The following PTCSC3 variants were observed in gnomAD, a reference collection of about 807,000 sequenced individuals.
PTCSC3 encodes papillary thyroid carcinoma susceptibility candidate 3 (non-protein coding).
chr14:36,138,001 G>A (rs1881328482), intron 3 of PTCSC3, among the ~76,000 whole-genome samples: 2 of 152,128 alleles, frequency 1.3e-5, no homozygotes, highest in African/African-American at 2.4e-5. Context: ...GTAGAGAAGA[G>A]GCTTAAGTGT....
rs1279812033 is a variant in PTCSC3 at position 36,136,756 on chromosome 14, G to A, written n.323-400C>T. Among the ~76,000 whole-genome samples the A allele has an allele frequency of 5.9e-5, 9 of 152,216 alleles. No homozygotes were observed. The South Asian group carries it at 6.2e-4, about 11-fold the overall frequency. ...AAATAAGATATCATCAAATAGTGAA[G>A]AGAGTTCTTCATAGGCTTACAGAAG... On this transcript the variant is annotated intron_variant and non_coding_transcript_variant, in intron 3 of 3. Transcript: ENST00000556013.
chr14:36,175,124 C>T (rs17461837), intron 1 of PTCSC3, among the ~76,000 whole-genome samples: 13,283 of 152,198 alleles, frequency 0.087, 696 homozygotes, highest in Middle Eastern at 0.18. Flanking sequence ...TCCATAGTTT[C>T]TACTTGCTTC....
At chr14:36,174,898 G>A (rs1305613573) in intron 1 of PTCSC3, among the ~76,000 whole-genome samples, 1 of 152,112 alleles carries the variant, frequency 6.6e-6, no homozygotes, top group Non-Finnish European at 1.5e-5. Context: ...CTCTGGCAGG[G>A]CCAGAACTCT....
At chr14:36,135,041 A>G (rs1157678563), downstream of PTCSC3, among the ~76,000 whole-genome samples, 2 of 152,194 alleles carry the variant, frequency 1.3e-5, no homozygotes, top group East Asian at 3.8e-4. Context: ...AGTACAGTCC[A>G]TTTCTCTAAT....
intron 1 of PTCSC3, among the ~76,000 whole-genome samples, chr14:36,168,750 G>T (rs1882141595): frequency 6.6e-6 from 1 of 151,934 alleles, no homozygotes; most frequent in African/African-American, 2.4e-5. Flanking sequence ...CAAATAGCTG[G>T]AACTGCAAGT....
chr14:36,150,861 G>A (rs113081743), intron 3 of PTCSC3, among the ~76,000 whole-genome samples: 2,804 of 151,744 alleles, frequency 0.018, 80 homozygotes, highest in African/African-American at 0.061. Flanking sequence ...CTATTTATTC[G>A]GAAGCTATAT....
intron 3 of PTCSC3, among the ~76,000 whole-genome samples, chr14:36,138,115 T>G (rs1881330921): frequency 6.6e-6 from 1 of 152,038 alleles, no homozygotes; most frequent in Non-Finnish European, 1.5e-5. Context: ...ACCAAGGTAA[T>G]TCAAATGGAG....
intron 3 of PTCSC3, among the ~76,000 whole-genome samples, chr14:36,142,585 A>G (rs34454453): frequency 0.11 from 16,254 of 151,932 alleles, 1,214 homozygotes; most frequent in Non-Finnish European, 0.16. Context: ...GTTTGGTAGA[A>G]TTCACCAGTG....
chr14:36,135,662 T>C (rs755512240), downstream of PTCSC3, among the ~76,000 whole-genome samples: 2 of 152,178 alleles, frequency 1.3e-5, no homozygotes, highest in Non-Finnish European at 2.9e-5. Flanking sequence ...CTTTGGATAA[T>C]GAAGGTGGTG....
Position 36,170,784 on chromosome 14 carries a change from G to A in PTCSC3, n.171+5514C>T, listed in dbSNP as rs554459434. 6.7e-4 allele frequency among the ~76,000 whole-genome samples: 102 copies of A among 152,226 alleles called. 1 individual carries two copies. Among genetic ancestry groups the A allele is most frequent in the African/African-American group, 2.4e-3 (99 of 41,550 alleles). On this transcript the variant is annotated intron_variant and non_coding_transcript_variant, in intron 1 of 3. Transcript: ENST00000556013. ...AAATAAAGGGGCAAGTGACCTATTTGTTGGACTTTTAGACAGTTCCTTCTG... is the reference window on the plus strand; with the variant it reads ...AAATAAAGGGGCAAGTGACCTATTTATTGGACTTTTAGACAGTTCCTTCTG...
intron 1 of PTCSC3, among the ~76,000 whole-genome samples, chr14:36,163,773 C>T (rs1882027333): frequency 6.6e-6 from 1 of 152,144 alleles, no homozygotes; most frequent in Non-Finnish European, 1.5e-5. Flanking sequence ...TTGTCAAGCT[C>T]ATTAACAGAA....
chr14:36,139,790 T>G (rs1881377328), intron 3 of PTCSC3, among the ~76,000 whole-genome samples: 1 of 152,244 alleles, frequency 6.6e-6, no homozygotes, highest in Admixed American at 6.5e-5. Flanking sequence ...CTTGCATTAG[T>G]GTGGTATATT....
At chr14:36,149,766 G>A (rs918116078) in intron 3 of PTCSC3, among the ~76,000 whole-genome samples, 9 of 152,010 alleles carry the variant, frequency 5.9e-5, no homozygotes, top group East Asian at 1.9e-4. Flanking sequence ...TGAAATCAAC[G>A]TAGCTTCTTC....
chr14:36,147,451 G>A (rs573505562), intron 3 of PTCSC3, among the ~76,000 whole-genome samples: 188 of 151,998 alleles, frequency 1.2e-3, no homozygotes, highest in African/African-American at 4.3e-3. Flanking sequence ...CCAGTTGATC[G>A]CATCGGCTCC....
chr14:36,138,777 T>C (rs1394712600), intron 3 of PTCSC3, among the ~76,000 whole-genome samples: 1 of 152,208 alleles, frequency 6.6e-6, no homozygotes, highest in Non-Finnish European at 1.5e-5. Flanking sequence ...AAACATCCCC[T>C]TTCTGTACAG....
chr14:36,135,695 A>G (rs1354889923), downstream of PTCSC3, among the ~76,000 whole-genome samples: 1 of 152,172 alleles, frequency 6.6e-6, no homozygotes, highest in African/African-American at 2.4e-5. Context: ...TTGAAAATGC[A>G]CAAACTTGTT....
At chr14:36,151,355 G>A (rs557660775) in intron 3 of PTCSC3, among the ~76,000 whole-genome samples, 1 of 150,834 alleles carries the variant, frequency 6.6e-6, no homozygotes, top group South Asian at 2.1e-4. Context: ...GATATCATAT[G>A]CCTAAATTTT....
intron 3 of PTCSC3, among the ~76,000 whole-genome samples, chr14:36,139,143 AATG>A (rs1881361910): frequency 7.8e-6 from 1 of 127,968 alleles, no homozygotes; most frequent in African/African-American, 3.1e-5. Context: ...AAAAAAAAGA[AATG>A]CATATATGTC....
chr14:36,141,007 T>G (rs1379042996), intron 3 of PTCSC3, among the ~76,000 whole-genome samples: 1 of 152,202 alleles, frequency 6.6e-6, no homozygotes, highest in African/African-American at 2.4e-5. Context: ...CTCCACTGGA[T>G]TGCCTCTACT....
Sources: gnomAD v4.1 joint callset for allele counts (sites outside exome capture counted in the v4.1 genomes callset) on GRCh38, gnomAD v4.1.1 for gene constraint, MANE v1.5 for transcripts, NCBI Gene and HGNC (gene_info 2026-07-23, HGNC 2026-07-21) for gene names.